The following RSPO1 variants were observed in gnomAD, a reference collection of about 807,000 sequenced individuals.
RSPO1 encodes R-spondin-1.
Under a neutral mutation model 26.0 loss-of-function variants are expected in RSPO1, and 18 were observed. The ratio of observed to expected loss-of-function variants is 0.69; its 90% confidence interval spans 0.48 to 1.03. RSPO1 has a LOEUF of 1.03. Among genes scored for constraint, RSPO1 ranks in the 50% least tolerant of loss-of-function variants. The pLI, the probability that RSPO1 is intolerant of heterozygous loss-of-function variation, is 0.00. For synonymous variants in RSPO1, 133 were observed against 137.4 expected, an observed-to-expected ratio of 0.97 and a Z score of 0.22; for missense variants, 309 against 352.3, an observed-to-expected ratio of 0.88 and a Z score of 0.98.
intron 4 of RSPO1, 147 bp downstream of exon 4, chr1:37,616,337 G>T: frequency 1.4e-6 from 1 of 695,742 alleles, no homozygotes; most frequent in Non-Finnish European, 2.5e-6. Context: ...AGGTGGAAGT[G>T]TGCGGCTGGA....
At chr1:37,632,945 G>T (rs1035040379) in intron 1 of RSPO1, among the ~76,000 whole-genome samples, 1 of 152,086 alleles carries the variant, frequency 6.6e-6, no homozygotes, top group Non-Finnish European at 1.5e-5. Flanking sequence ...TATGGCACTG[G>T]CAGTTTATGT....
intron 3 of RSPO1, among the ~76,000 whole-genome samples, chr1:37,620,906 C>A (rs12023270): frequency 6.6e-6 from 1 of 151,996 alleles, no homozygotes; most frequent in African/African-American, 2.4e-5. Context: ...TGAATGCGCC[C>A]TCTAGGTTTC....
chr1:37,613,563 A>G lies in RSPO1; in HGVS notation c.625+141T>C. 1.4e-6 allele frequency: 1 copy of G among 711,214 alleles called. No homozygotes were observed. The highest frequency in any genetic ancestry group is 2.5e-6 in the Non-Finnish European group (1 of 397,280). The allele number at this position is 711,214 out of a possible 1,614,324, so 44.1% of individuals were successfully genotyped here. On this transcript the variant is annotated intron_variant, in intron 6 of 6. Transcript: ENST00000356545. The surrounding 1 kb of genome is among the most constrained non-coding windows in gnomAD (Gnocchi z 4.5). ...GGACATGGCATCTGGATTGGACAGC[A>G]TGAGGTCTTGAGTTGCGGGTGCCCC...
chr1:37,615,380 C>T (rs1449196664), intron 4 of RSPO1, among the ~76,000 whole-genome samples: 1 of 152,110 alleles, frequency 6.6e-6, no homozygotes, highest in Non-Finnish European at 1.5e-5. Flanking sequence ...ATGCATGTCT[C>T]ACAACAACCC....
At chr1:37,625,094 T>C (rs902848100) in intron 3 of RSPO1, among the ~76,000 whole-genome samples, 4 of 152,248 alleles carry the variant, frequency 2.6e-5, no homozygotes, top group Non-Finnish European at 5.9e-5. Context: ...GGAGTATTTC[T>C]CTGTGTTACC....
In RSPO1 at chr1:37,622,586, A is replaced by T. The variant is rs116706742; in HGVS notation, c.95-5911T>A. On this transcript the variant is annotated intron_variant, in intron 3 of 6. Coordinates refer to ENST00000356545, the MANE Select transcript of RSPO1 (RefSeq NM_001242908.2). ...GGTGCCTCAGGCAACACCTGCATTC[A>T]ACAGCTAGGCAAGAGGAAGGGGAGC... is the stretch of plus-strand genomic sequence containing the variant. 3.8e-3 allele frequency among the ~76,000 whole-genome samples: 580 copies of T among 152,336 alleles called. 2 individuals carry two copies. Among genetic ancestry groups the T allele is most frequent in the African/African-American group, 0.013 (547 of 41,572 alleles).
chr1:37,623,451 C>A (rs1644231888), intron 3 of RSPO1, among the ~76,000 whole-genome samples: 1 of 152,062 alleles, frequency 6.6e-6, no homozygotes, highest in South Asian at 2.1e-4. Context: ...ACGAGGGAGG[C>A]AGGGCTGGTT....
intron 3 of RSPO1, among the ~76,000 whole-genome samples, chr1:37,626,966 G>A (rs767189479): frequency 6.6e-6 from 1 of 152,080 alleles, no homozygotes; most frequent in Non-Finnish European, 1.5e-5. Context: ...GAGTGGAGGA[G>A]GGGAACTTCA....
intron 3 of RSPO1, among the ~76,000 whole-genome samples, chr1:37,617,661 C>CAA (rs34856591): frequency 0.39 from 14,057 of 36,262 alleles, 3,576 homozygotes; most frequent in East Asian, 0.52. Context: ...GACTCCATCT[C>CAA]AAAAAAAAAA....
rs372532240 is a variant in RSPO1, at chr1:37,612,829, G to A, written c.718C>T (p.Arg240Ter). The A allele has an allele frequency of 6.2e-6, 10 of 1,613,612 alleles. No individual in the cohort carries two copies. Among genetic ancestry groups the A allele is most frequent in the South Asian group, 3.3e-5 (3 of 91,090 alleles). ...TGCTGTTGCTGCCCCTTGCGTCTTCGAGAGCCAGCACCCGCCTCCTTGCTC... is the reference window on the plus strand; with the variant it reads ...TGCTGTTGCTGCCCCTTGCGTCTTCAAGAGCCAGCACCCGCCTCCTTGCTC... ...KESKEAGAGS[R>*]RRKGQQQQQQ... The change falls in exon 7 of 7, where the codon CGA becomes TGA. Residue 240 changes from arginine (R) to a stop codon, truncating the protein, a stop_gained. Coordinates refer to ENST00000356545, the MANE Select transcript of RSPO1 (RefSeq NM_001242908.2). LOFTEE classifies it high-confidence loss of function.
chr1:37,631,057 G>A (rs1644354003), intron 2 of RSPO1, among the ~76,000 whole-genome samples: 1 of 152,168 alleles, frequency 6.6e-6, no homozygotes, highest in Admixed American at 6.5e-5. Flanking sequence ...GAAATCTGAG[G>A]TGCTGGAGTG....
chr1:37,622,390 G>A (rs776854218), intron 3 of RSPO1, among the ~76,000 whole-genome samples: 21 of 152,308 alleles, frequency 1.4e-4, no homozygotes, highest in Non-Finnish European at 2.2e-4. Context: ...CTGGCATGGC[G>A]GCTTGTGCCT....
At chr1:37,614,035 C>A in intron 5 of RSPO1, 143 bp from the exon 6 acceptor site, 1 of 1,316,986 alleles carries the variant, frequency 7.6e-7, no homozygotes, top group African/African-American at 1.5e-5. Context: ...GTCCAGAGGG[C>A]AGAAAAGTCC....
Position 37,613,955 on chromosome 1 carries a change from G to A in RSPO1, c.437-63C>T. 1 of 1,551,442 alleles carries A rather than the reference G, an allele frequency of 6.4e-7. No homozygotes were observed. The highest frequency in any genetic ancestry group is 8.9e-7 in the Non-Finnish European group (1 of 1,123,642). On this transcript the variant is annotated intron_variant, in intron 5 of 6. Coordinates refer to ENST00000356545, the MANE Select transcript of RSPO1 (RefSeq NM_001242908.2). This position sits in a 1 kb window ranked among gnomAD's most constrained non-coding sequence, Gnocchi z 4.5. The stretch of plus-strand genomic sequence containing the variant: ...AGGAGGGGATCATGTCTCCTCCTCT[G>A]GCCCAGAATAGCCCAGGGGAGCATC...
chr1:37,614,452 G>T (rs1644080449), intron 4 of RSPO1, 119 bp from the exon 5 acceptor site: 2 of 1,112,568 alleles, frequency 1.8e-6, no homozygotes. Context: ...CAGGACCCTG[G>T]CCTAGAGCTG....
At position 37,614,179 on chromosome 1, in the gene RSPO1, C is replaced by T. The variant is rs1330737992; in HGVS notation, c.436+5G>A. 6.2e-7 allele frequency: 1 copy of T among 1,612,192 alleles called. No homozygotes were observed. The highest frequency in any genetic ancestry group is 1.3e-5 in the African/African-American group (1 of 74,890). On this transcript the variant is annotated splice_donor_5th_base_variant and intron_variant, in intron 5 of 6. Coordinates refer to ENST00000356545, the MANE Select transcript of RSPO1 (RefSeq NM_001242908.2). ...CCTCTGCCCACAGTGCCTGCCATGG[C>T]TTACCAGGACTACTGCACTCCATGG...
chr1:37,627,680 AAAACAAAACAAAACT>A (rs1423515571), intron 3 of RSPO1, among the ~76,000 whole-genome samples: 1 of 151,800 alleles, frequency 6.6e-6, no homozygotes, highest in African/African-American at 2.4e-5. Flanking sequence ...AAAACAAAAC[AAAACAAAACAAAACT>A]ATATATATAT....
In RSPO1 at chr1:37,629,155, A is replaced by C. The variant is rs553744082; in HGVS notation, c.94+413T>G. Among the ~76,000 whole-genome samples, 47 of 152,292 alleles carry C rather than the reference A, an allele frequency of 3.1e-4. 1 individual carries two copies. In the Middle Eastern group the frequency reaches 0.014, roughly 44 times the overall value. The stretch of plus-strand genomic sequence containing the variant: ...TAAGTTGTGCAGAGCTCCTAACCCA[A>C]AAGGGTTGATGGCTGCACTTTAGCC... On this transcript the variant is annotated intron_variant, in intron 3 of 6. Coordinates refer to ENST00000356545, the MANE Select transcript of RSPO1 (RefSeq NM_001242908.2).
chr1:37,626,425 A>T (rs1644276893), intron 3 of RSPO1, among the ~76,000 whole-genome samples: 1 of 151,966 alleles, frequency 6.6e-6, no homozygotes. Flanking sequence ...CTAAAGGAAC[A>T]CTCTATGCCT....
Sources: gnomAD v4.1 joint callset for allele counts (sites outside exome capture counted in the v4.1 genomes callset) on GRCh38, gnomAD v4.1.1 for gene constraint, Gnocchi (gnomAD v3.1) non-coding constraint, MANE v1.5 for transcripts, NCBI Gene and HGNC (gene_info 2026-07-23, HGNC 2026-07-21) for gene names.